CSMD1: variants seen among roughly 807,000 people sequenced by gnomAD.
The protein encoded by CSMD1 is CUB and sushi domain-containing protein 1.
A neutral mutation model predicts 417.5 loss-of-function variants in CSMD1; 213 were observed. That is an observed-to-expected ratio of 0.51 (90% confidence interval 0.46 to 0.57). The LOEUF (loss-of-function observed/expected upper bound fraction) is 0.57. CSMD1 is among the 20% of genes least tolerant of loss of function. CSMD1 has a pLI of 0.00. For missense variants in CSMD1, 6,923 were observed against 4,529.7 expected (o/e 1.53, Z -15.17); for synonymous variants, 2,862 against 1,736.8 (o/e 1.65, Z -16.11).
intron 50 of CSMD1, among the ~76,000 whole-genome samples, chr8:3,038,192 G>C (rs1810822748): frequency 6.6e-6 from 1 of 152,180 alleles, no homozygotes; most frequent in African/African-American, 2.4e-5. Flanking sequence ...ATCTCAGCGA[G>C]ACAAGACCAA....
At chr8:4,336,961 A>G (rs999319262) in intron 3 of CSMD1, among the ~76,000 whole-genome samples, 1 of 152,092 alleles carries the variant, frequency 6.6e-6, no homozygotes, top group African/African-American at 2.4e-5. Flanking sequence ...AAATGGAGCA[A>G]ACCCTCAGGA....
At chr8:4,877,336 A>G (rs1366968317) in intron 1 of CSMD1, among the ~76,000 whole-genome samples, 1 of 152,136 alleles carries the variant, frequency 6.6e-6, no homozygotes, top group Non-Finnish European at 1.5e-5. Flanking sequence ...AATCAGGGTT[A>G]AGATAAATTA....
intron 6 of CSMD1, among the ~76,000 whole-genome samples, chr8:3,710,685 C>T (rs151248631): frequency 6.6e-6 from 1 of 152,156 alleles, no homozygotes; most frequent in South Asian, 2.1e-4. Flanking sequence ...ATGTGTTAGC[C>T]TCTTTGCAGC....
At chr8:3,790,304 C>T (rs928435117) in intron 5 of CSMD1, among the ~76,000 whole-genome samples, 2 of 152,114 alleles carry the variant, frequency 1.3e-5, no homozygotes, top group Non-Finnish European at 2.9e-5. Flanking sequence ...TCATGTGTAG[C>T]TACTGGCTGT....
chr8:2,948,663 C>T (rs1052068181), intron 68 of CSMD1, among the ~76,000 whole-genome samples: 5 of 152,028 alleles, frequency 3.3e-5, no homozygotes, highest in Non-Finnish European at 5.9e-5. Context: ...TTTCTAAGTT[C>T]CACTACTAAA....
chr8:3,688,231 T>C (rs1241422548), intron 7 of CSMD1, among the ~76,000 whole-genome samples: 1 of 152,212 alleles, frequency 6.6e-6, no homozygotes, highest in Non-Finnish European at 1.5e-5. Flanking sequence ...GCAAAGATGA[T>C]AGTATAATTT....
intron 3 of CSMD1, among the ~76,000 whole-genome samples, chr8:4,198,424 A>G (rs565561122): frequency 1.2e-4 from 18 of 152,210 alleles, no homozygotes; most frequent in African/African-American, 2.4e-4. Flanking sequence ...GGCAATATAG[A>G]TAAGCCATAC....
Position 4,137,095 on chromosome 8 carries a change from T to G in CSMD1, c.416-104996A>C, listed in dbSNP as rs1362963790. On this transcript the variant is annotated intron_variant, in intron 3 of 69. Transcript: ENST00000635120. ...CTACTTCCCTTAGTTGTCTGCTTAT[T>G]TTGGGAGAATTTTCAAAATGTGGAA... Among the ~76,000 whole-genome samples, 5 of 152,166 alleles carry G rather than the reference T, an allele frequency of 3.3e-5. No homozygotes were observed. In the East Asian group the frequency reaches 9.6e-4, roughly 29 times the overall value.
rs111736932 is a variant in CSMD1 at position 3,998,486 on chromosome 8, G to A, written c.611-376C>T. On this transcript the variant is annotated intron_variant, in intron 4 of 69. Transcript: ENST00000635120. ...ACATTTTGAGACTTAAAAACATGTG[G>A]GCGTTTATTCATGGATACCTGGCTT... Among the ~76,000 whole-genome samples, 301 of 152,200 alleles carry A rather than the reference G, an allele frequency of 2.0e-3. 1 individual carries two copies. Among genetic ancestry groups the A allele is most frequent in the Non-Finnish European group, 2.6e-3 (179 of 68,018 alleles).
chr8:3,414,837 T>C (rs1305607678), intron 12 of CSMD1, among the ~76,000 whole-genome samples: 1 of 152,206 alleles, frequency 6.6e-6, no homozygotes, highest in Admixed American at 6.5e-5. Flanking sequence ...TGTTGTCTTA[T>C]TTAACCATGC....
At position 4,698,903 on chromosome 8, in the gene CSMD1, A is replaced by AACACACAC. The variant is rs71988727; in HGVS notation, c.86-61353_86-61346dup. Among the ~76,000 whole-genome samples, 424 of 140,208 alleles carry AACACACAC rather than the reference A, an allele frequency of 3.0e-3. 2 individuals are homozygous for AACACACAC. Among genetic ancestry groups the AACACACAC allele is most frequent in the South Asian group, 0.011 (47 of 4,196 alleles). 92.0% of individuals were successfully genotyped at this position (140,208 alleles called of 152,430 possible). A position where few individuals can be genotyped will look rare whatever the true frequency, so the allele number is the denominator to read the frequency against. The stretch of plus-strand genomic sequence containing the variant: ...CTCTTAAACATGTGCATACCCTCCC[A>AACACACAC]ACACACACACACACACACACACACA... On this transcript the variant is annotated intron_variant, in intron 1 of 69. Coordinates refer to ENST00000635120, the MANE Select transcript of CSMD1 (RefSeq NM_033225.6).
chr8:3,645,682 T>C (rs1307420454), intron 7 of CSMD1, among the ~76,000 whole-genome samples: 1 of 152,196 alleles, frequency 6.6e-6, no homozygotes, highest in African/African-American at 2.4e-5. Context: ...GACTACGGCA[T>C]TGCCTTTGAA....
Position 2,978,846 on chromosome 8 carries a change from T to C in CSMD1, c.8378-46A>G, listed in dbSNP as rs1805161682. The C allele has an allele frequency of 4.0e-6, 6 of 1,495,446 alleles. No homozygotes were observed. In the South Asian group the frequency reaches 6.6e-5, roughly 17 times the overall value. The allele number at this position is 1,495,446 out of a possible 1,614,324, so 92.6% of individuals were successfully genotyped here. Reference sequence around the variant, plus strand: ...CACACCATTTAGAAACAGCTAGAAATAACAACAAAATAGATCAGAAATGAA... The same window carrying C: ...CACACCATTTAGAAACAGCTAGAAACAACAACAAAATAGATCAGAAATGAA... On this transcript the variant is annotated intron_variant, in intron 54 of 69. Transcript: ENST00000635120.
At chr8:4,294,898 G>C (rs1797575483) in intron 3 of CSMD1, among the ~76,000 whole-genome samples, 2 of 151,658 alleles carry the variant, frequency 1.3e-5, no homozygotes, top group Non-Finnish European at 2.9e-5. Flanking sequence ...AATGTGTATG[G>C]AACGAAAGCC....
intron 3 of CSMD1, among the ~76,000 whole-genome samples, chr8:4,305,048 A>G (rs1248255337): frequency 6.6e-6 from 1 of 152,214 alleles, no homozygotes; most frequent in Non-Finnish European, 1.5e-5. Flanking sequence ...TCCCTTTTCA[A>G]CACAGGCACC....
chr8:3,194,375 G>C (rs1207188306), intron 33 of CSMD1, among the ~76,000 whole-genome samples: 1 of 147,604 alleles, frequency 6.8e-6, no homozygotes, highest in African/African-American at 2.5e-5. Context: ...TGTGTTTTTA[G>C]GTCTGTTTAT....
At chr8:4,847,467 T>C (rs1003432366) in intron 1 of CSMD1, among the ~76,000 whole-genome samples, 1 of 151,876 alleles carries the variant, frequency 6.6e-6, no homozygotes, top group Admixed American at 6.6e-5. Context: ...AGAATTTCCA[T>C]ACACCTAATA....
At chr8:4,584,564 G>A (rs1315939026) in intron 2 of CSMD1, among the ~76,000 whole-genome samples, 6 of 152,056 alleles carry the variant, frequency 3.9e-5, no homozygotes, top group Admixed American at 6.6e-5. Flanking sequence ...ACCAGCTTCC[G>A]CTTTTCCTGT....
chr8:4,413,539 T>C (rs1171617906), intron 3 of CSMD1, among the ~76,000 whole-genome samples: 2 of 152,176 alleles, frequency 1.3e-5, no homozygotes, highest in African/African-American at 2.4e-5. Flanking sequence ...GTTCATGTAC[T>C]GACAGCACTA....
Sources: allele counts gnomAD v4.1 joint callset (sites outside exome capture counted in the v4.1 genomes callset), GRCh38; gene constraint gnomAD v4.1.1; transcripts MANE v1.5; gene names NCBI Gene and HGNC (gene_info 2026-07-23, HGNC 2026-07-21).